Variants in KATNB1 observed in about 807,000 individuals in gnomAD.
KATNB1 encodes the protein katanin regulatory subunit B1.
Under a neutral mutation model 82.3 loss-of-function variants are expected in KATNB1, and 38 were observed. The observed-to-expected ratio is 0.46, with a 90% CI of 0.36 to 0.61. KATNB1 has a LOEUF of 0.61. Among genes scored for constraint, KATNB1 ranks in the 20% least tolerant of loss-of-function variants. The pLI, the probability that KATNB1 is intolerant of heterozygous loss-of-function variation, is 0.00. For synonymous variants in KATNB1, 361 were observed against 368.7 expected (o/e 0.98, Z 0.24); for missense variants, 749 against 915.7 (o/e 0.82, Z 2.35).
chr16:57,752,454 A>G lies in KATNB1; in HGVS notation c.633-76A>G, dbSNP rs12447041. On this transcript the variant is annotated intron_variant, in intron 8 of 19. Transcript: ENST00000379661. ...GCCCTGGGGGAGAGGTTTCTAGAGA[A>G]AAGCTGGCTTCCCAGGGACATGTGG... 0.043 allele frequency: 57,436 copies of G among 1,348,134 alleles called. 3,523 individuals carry two copies. Among genetic ancestry groups the G allele is most frequent in the Admixed American group, 0.21 (10,729 of 50,476 alleles). 83.5% of individuals were successfully genotyped at this position (1,348,134 alleles called of 1,614,324 possible).
chr16:57,755,598 G>T (rs1000280443), intron 16 of KATNB1, 104 bp downstream of exon 16: 6 of 1,438,596 alleles, frequency 4.2e-6, no homozygotes, highest in South Asian at 3.9e-5. Context: ...ATGGGGGACA[G>T]TGTGGGATAG....
chr16:57,736,442 A>G (rs1294069406), intron 1 of KATNB1, among the ~76,000 whole-genome samples: 1 of 152,094 alleles, frequency 6.6e-6, no homozygotes, highest in Non-Finnish European at 1.5e-5. Flanking sequence ...TTACGCCCAG[A>G]CTGGAGGCCT....
At position 57,744,414 on chromosome 16, in the gene KATNB1, C is replaced by A; in HGVS notation, c.192C>A (p.Ser64=). Residue 64 remains serine (S), a synonymous_variant, in exon 4 of 20, where the codon TCC becomes TCA. Transcript: ENST00000379661. ...NCIMSLTGHT[S]PVESVRLNTP... ...CACAGAGCCTGACGGGCCACACATC[C>A]CCAGTGGAGAGCGTCCGCCTCAACA... The A allele has an allele frequency of 6.2e-7, 1 of 1,613,708 alleles. No individual in the cohort carries two copies. Among genetic ancestry groups the A allele is most frequent in the Non-Finnish European group, 8.5e-7 (1 of 1,179,994 alleles).
intron 4 of KATNB1, among the ~76,000 whole-genome samples, chr16:57,748,998 G>A (rs1360501837): frequency 2.0e-5 from 3 of 152,220 alleles, no homozygotes; most frequent in Non-Finnish European, 2.9e-5. Flanking sequence ...ATAGCTACAC[G>A]GAGCAAGGAG....
At chr16:57,752,499 G>C (rs1191042205) in intron 8 of KATNB1, 31 bp from the exon 9 acceptor site, 2 of 1,549,504 alleles carry the variant, frequency 1.3e-6, no homozygotes, top group African/African-American at 1.4e-5. Flanking sequence ...TGAGGGATAG[G>C]CTTCGCAGCA....
intron 3 of KATNB1, 33 bp from the exon 4 acceptor site, chr16:57,744,361 C>G: frequency 6.4e-7 from 1 of 1,555,606 alleles, no homozygotes; most frequent in Non-Finnish European, 8.8e-7. Context: ...GTCTGTCCAG[C>G]AGTGCACGGA....
Position 57,753,249 on chromosome 16 carries a change from C to T in KATNB1, c.1028C>T (p.Thr343Ile), listed in dbSNP as rs1555584257. Residue 343 changes from threonine (T) to isoleucine (I), a missense_variant, in exon 11 of 20, where the codon ACC becomes ATC. Coordinates refer to ENST00000379661, the MANE Select transcript of KATNB1 (RefSeq NM_005886.3). ...CGCATCTATGAGCGGCCCAGCACAA[C>T]CTGCAGCAAGCCTCAGAGGTGAGGG... ...LRRIYERPSTTCSKPQRVKQN... is the reference protein window; with the variant it reads ...LRRIYERPSTICSKPQRVKQN... 1.9e-6 allele frequency: 3 copies of T among 1,600,752 alleles called. No homozygotes were observed. The highest frequency in any genetic ancestry group is 2.6e-6 in the Non-Finnish European group (3 of 1,173,190).
chr16:57,737,351 A>G (rs2049108821), intron 2 of KATNB1, 68 bp downstream of exon 2: 11 of 1,562,662 alleles, frequency 7.0e-6, no homozygotes, highest in Non-Finnish European at 9.7e-6. Context: ...GGGAGGCCTG[A>G]ACCCACAGCT....
Position 57,755,862 on chromosome 16 carries a change from G to C in KATNB1, c.1588G>C (p.Ala530Pro). Residue 530 changes from alanine to proline, a missense_variant, in exon 17 of 20, where the codon GCC (alanine) becomes CCC (proline). Physicochemically the swap from Ala to Pro is conservative, Grantham distance 27 (BLOSUM62 -1). This residue lies in a region of KATNB1 where 407 missense variants were observed against 434.7 expected (regional missense o/e 0.94). Coordinates refer to ENST00000379661, the MANE Select transcript of KATNB1 (RefSeq NM_005886.3). ...ACAGACGTCGGTGGACTCCGCTGTG[G>C]CCATCAACGACCTGTCGGTGGTGGT... ...DIKTSVDSAV[A>P]INDLSVVVDL... is the part of the protein sequence containing the mutation. The C allele has an allele frequency of 6.3e-7, 1 of 1,594,192 alleles. No homozygotes were observed. The highest frequency in any genetic ancestry group is 8.6e-7 in the Non-Finnish European group (1 of 1,164,728).
intron 18 of KATNB1, 107 bp downstream of exon 18, chr16:57,756,173 G>A: frequency 7.4e-7 from 1 of 1,347,500 alleles, no homozygotes; most frequent in Non-Finnish European, 1.0e-6. Flanking sequence ...GTTCCTGTGA[G>A]CTGGCTGTGA....
intron 16 of KATNB1, 135 bp downstream of exon 16, chr16:57,755,629 ATC>A: frequency 3.3e-6 from 4 of 1,206,852 alleles, no homozygotes; most frequent in Non-Finnish European, 4.6e-6. Flanking sequence ...ACGTCACACC[ATC>A]TGTTTCCGCC....
At chr16:57,750,712 C>T (rs1162239610) in intron 4 of KATNB1, 115 bp from the exon 5 acceptor site, 5 of 771,500 alleles carry the variant, frequency 6.5e-6, no homozygotes, top group Non-Finnish European at 1.2e-5. Flanking sequence ...TGTTATTGTT[C>T]TATTTTTCTG....
intron 4 of KATNB1, among the ~76,000 whole-genome samples, chr16:57,746,937 A>G (rs1482250168): frequency 6.6e-6 from 1 of 152,114 alleles, no homozygotes; most frequent in Non-Finnish European, 1.5e-5. Context: ...GCTGGAGTGC[A>G]GTGGTGTAAT....
chr16:57,736,938 G>A (rs1002827424), intron 1 of KATNB1, 40 bp from the exon 2 acceptor site: 3 of 636,418 alleles, frequency 4.7e-6, no homozygotes, highest in African/African-American at 3.6e-5. Flanking sequence ...CTCTTACCAA[G>A]CATTTTCTAA....
At chr16:57,750,401 G>A (rs782514796) in intron 4 of KATNB1, among the ~76,000 whole-genome samples, 2 of 152,168 alleles carry the variant, frequency 1.3e-5, no homozygotes, top group Non-Finnish European at 2.9e-5. Context: ...AGGCCAAGGC[G>A]GGTGGATCAC....
chr16:57,749,271 C>T (rs537416827), intron 4 of KATNB1, among the ~76,000 whole-genome samples: 57 of 152,352 alleles, frequency 3.7e-4, no homozygotes, highest in African/African-American at 1.3e-3. Context: ...CCGTGCTAAG[C>T]ACTTTATGTA....
At chr16:57,752,503 C>G (rs7185975) in intron 8 of KATNB1, 27 bp from the exon 9 acceptor site, 7 of 1,551,636 alleles carry the variant, frequency 4.5e-6, no homozygotes, top group Admixed American at 3.9e-5. Flanking sequence ...GGATAGGCTT[C>G]GCAGCACAGC....
At chr16:57,752,422 TG>T in intron 8 of KATNB1, 107 bp from the exon 9 acceptor site, 1 of 974,494 alleles carries the variant, frequency 1.0e-6, no homozygotes, top group Non-Finnish European at 1.6e-6. Context: ...TTGCTCCTGG[TG>T]GCCCTGCCCT....
Position 57,755,459 on chromosome 16 carries a change from A to G in KATNB1, c.1531A>G (p.Thr511Ala), listed in dbSNP as rs569821357. 7.4e-6 allele frequency: 12 copies of G among 1,613,406 alleles called. No homozygotes were observed. In the African/African-American group the frequency reaches 1.2e-4, roughly 16 times the overall value. Residue 511 changes from threonine to alanine, a missense_variant, in exon 16 of 20, where the codon ACT (threonine) becomes GCT (alanine). Thr to Ala is a moderately conservative substitution (Grantham distance 58, BLOSUM62 0). Around this residue, in one of 3 missense-constraint regions of KATNB1, gnomAD observed 407 missense variants for 434.7 expected, o/e 0.94. Transcript: ENST00000379661. ...CACCAGCCGCCACAAGAACCTGGAC[A>G]CTGTGCGGGCTGTGTGGACCATGGG... Reference protein sequence around the residue: ...VLTSRHKNLDTVRAVWTMGDI... With the variant: ...VLTSRHKNLDAVRAVWTMGDI...
Sources: gnomAD v4.1 joint callset for allele counts (sites outside exome capture counted in the v4.1 genomes callset) on GRCh38, gnomAD v4.1.1 for gene constraint, gnomAD v4.1.1 regional missense constraint, MANE v1.5 for transcripts, NCBI Gene and HGNC (gene_info 2026-07-23, HGNC 2026-07-21) for gene names.